Variants in EHHADH observed in about 807,000 individuals in gnomAD.
EHHADH encodes the protein enoyl-CoA hydratase and 3-hydroxyacyl CoA dehydrogenase, also known as peroxisomal bifunctional enzyme.
Under a neutral mutation model 64.4 loss-of-function variants are expected in EHHADH, and 48 were observed. That is an observed-to-expected ratio of 0.75 (90% CI 0.59 to 0.95). EHHADH has a LOEUF of 0.95. EHHADH is among the 40% of genes least tolerant of loss of function. The pLI is 0.00. For missense variants in EHHADH, 854 were observed against 876.6 expected, an observed-to-expected ratio of 0.97 and a Z score of 0.33; for synonymous variants, 308 against 326.7, an observed-to-expected ratio of 0.94 and a Z score of 0.62.
intron 6 of EHHADH, among the ~76,000 whole-genome samples, chr3:185,195,779 G>C (rs1718042116): frequency 6.6e-6 from 1 of 152,158 alleles, no homozygotes; most frequent in Non-Finnish European, 1.5e-5. Context: ...ATTCCAAAAG[G>C]GGGAGTGAGG....
At chr3:185,204,787 G>T in intron 5 of EHHADH, 30 bp from the exon 6 acceptor site, 2 of 1,534,374 alleles carry the variant, frequency 1.3e-6, no homozygotes, top group Non-Finnish European at 1.8e-6. Context: ...TCAGAGCTTT[G>T]GAAATGTTAC....
intron 3 of EHHADH, among the ~76,000 whole-genome samples, chr3:185,233,291 A>T (rs927717021): frequency 6.6e-6 from 1 of 152,222 alleles, no homozygotes; most frequent in Admixed American, 6.5e-5. Context: ...TCTGAACTAC[A>T]TTGTCATAAA....
intron 2 of EHHADH, chr3:185,246,502 C>T (rs568015832): frequency 1.9e-5 from 6 of 310,844 alleles, no homozygotes; most frequent in African/African-American, 4.5e-5. Context: ...CCCCAGGCCC[C>T]GTGGCAGCGC....
intron 4 of EHHADH, chr3:185,226,833 A>C (rs1452545485): frequency 6.6e-6 from 1 of 152,182 alleles, no homozygotes; most frequent in East Asian, 1.9e-4. Context: ...CTTACAATGA[A>C]TCTGAGAGTC....
intron 5 of EHHADH, among the ~76,000 whole-genome samples, chr3:185,205,345 TAG>T (rs1217330989): frequency 6.6e-6 from 1 of 152,120 alleles, no homozygotes; most frequent in Non-Finnish European, 1.5e-5. Context: ...TCCCCTGTAG[TAG>T]AGACTCTAGT....
At chr3:185,226,278 T>A (rs1171622082) in intron 4 of EHHADH, among the ~76,000 whole-genome samples, 1 of 151,878 alleles carries the variant, frequency 6.6e-6, no homozygotes, top group Non-Finnish European at 1.5e-5. Flanking sequence ...TATGGAGAGG[T>A]CCCCGTACAT....
At chr3:185,223,076 T>C (rs1718877664) in intron 4 of EHHADH, among the ~76,000 whole-genome samples, 2 of 152,244 alleles carry the variant, frequency 1.3e-5, no homozygotes, top group Admixed American at 6.5e-5. Context: ...TTCTTCTATT[T>C]TTTCTTTTGG....
chr3:185,248,187 ACTAAATATACT>A, intron 2 of EHHADH: 1 of 484,604 alleles, frequency 2.1e-6, no homozygotes, highest in Non-Finnish European at 3.7e-6. Flanking sequence ...CAAGTCTGGA[ACTAAATATACT>A]CTAAAAGCCC....
chr3:185,219,157 G>A (rs1376135360), intron 4 of EHHADH, among the ~76,000 whole-genome samples: 5 of 152,148 alleles, frequency 3.3e-5, no homozygotes, highest in African/African-American at 1.2e-4. Context: ...AGGACAAATG[G>A]GATGGATTTC....
chr3:185,193,751 T>C (rs559756098), intron 6 of EHHADH, among the ~76,000 whole-genome samples: 10 of 152,186 alleles, frequency 6.6e-5, no homozygotes, highest in Non-Finnish European at 1.0e-4. Flanking sequence ...ACAATTGATA[T>C]ACAAAAATCA....
intron 1 of EHHADH, among the ~76,000 whole-genome samples, chr3:185,252,561 A>G (rs1353378632): frequency 6.6e-6 from 1 of 152,170 alleles, no homozygotes; most frequent in Non-Finnish European, 1.5e-5. Flanking sequence ...ATGTAATCAT[A>G]TTACTTACAT....
At chr3:185,218,312 C>T (rs1424361896) in intron 4 of EHHADH, 72 bp from the exon 5 acceptor site, 1 of 1,011,968 alleles carries the variant, frequency 9.9e-7, no homozygotes, top group African/African-American at 1.6e-5. Flanking sequence ...GCATTACTCT[C>T]TCTAGTAGGA....
At chr3:185,209,494 A>G (rs1718482767) in intron 5 of EHHADH, among the ~76,000 whole-genome samples, 2 of 152,224 alleles carry the variant, frequency 1.3e-5, no homozygotes, top group African/African-American at 4.8e-5. Context: ...AAACCATTTT[A>G]TCAAAAATGT....
intron 6 of EHHADH, among the ~76,000 whole-genome samples, chr3:185,201,135 T>C (rs1359031660): frequency 6.6e-6 from 1 of 151,902 alleles, no homozygotes; most frequent in Non-Finnish European, 1.5e-5. Context: ...AGTGGAGAAA[T>C]ATTCAGGGTA....
Position 185,193,333 on chromosome 3 carries a change from G to C in EHHADH, c.1065C>G (p.Gly355=), listed in dbSNP as rs761606930. The change falls in exon 7 of 7, where the codon GGC becomes GGG. Residue 355 remains glycine, a synonymous_variant. Transcript: ENST00000231887. ...TGGGTTTTGGTCCTGACCAAGGGTG[G>C]CCGCTCTGTTGCATTTTGGAGGCTT... ...EKEASKMQQS[G]HPWSGPKPRL... 2.5e-6 allele frequency: 4 copies of C among 1,613,744 alleles called. No individual in the cohort carries two copies. The African/African-American group carries it at 5.3e-5, about 22-fold the overall frequency.
At position 185,193,047 on chromosome 3, in the gene EHHADH, A is replaced by G; in HGVS notation, c.1351T>C (p.Ser451Pro). 7 of 1,614,252 alleles carry G rather than the reference A, an allele frequency of 4.3e-6. No individual in the cohort carries two copies. Among genetic ancestry groups the G allele is most frequent in the Non-Finnish European group, 5.9e-6 (7 of 1,180,050 alleles). ...KLLEVIPSQY[S>P]SPTTIATVMN... ...ACAGTGGCAATGGTAGTGGGGGAAG[A>G]GTATTGGCTGGGAATAACCTCTAAC... is the stretch of plus-strand genomic sequence containing the variant. Residue 451 changes from serine to proline, a missense_variant, in exon 7 of 7, where the codon TCT becomes CCT. Ser to Pro is a moderately conservative substitution (Grantham distance 74). Transcript: ENST00000231887.
rs1718951162 is a variant in EHHADH, at chr3:185,225,542, G to A, written c.463+3890C>T. On this transcript the variant is annotated intron_variant, in intron 4 of 6. Transcript: ENST00000231887. ...CTGTTTTTGTCCTTGTCTCCAATTA[G>A]TATATTTTCAACAGCCAGAGTGATT... Among the ~76,000 whole-genome samples, 5 of 152,024 alleles carry A rather than the reference G, an allele frequency of 3.3e-5. No individual in the cohort carries two copies. The South Asian group carries it at 1.0e-3, about 32-fold the overall frequency.
chr3:185,229,533 C>T lies in EHHADH; in HGVS notation c.362G>A (p.Gly121Asp). 1.3e-6 allele frequency: 2 copies of T among 1,563,610 alleles called. No homozygotes were observed. The highest frequency in any genetic ancestry group is 1.7e-6 in the Non-Finnish European group (2 of 1,150,778). Residue 121 changes from glycine to aspartate, a missense_variant, in exon 4 of 7, where the codon GGC becomes GAC. Physicochemically the swap from Gly to Asp is moderately conservative, Grantham distance 94. Transcript: ENST00000231887. ...YRIAHAEAQVGLPEVTLGLLP... is the reference protein window; with the variant it reads ...YRIAHAEAQVDLPEVTLGLLP... ...AAGTCCCAGTGTAACTTCTGGTAAGCCAACTTGAGCCTATCAAAGATTGAA... is the reference window on the plus strand; with the variant it reads ...AAGTCCCAGTGTAACTTCTGGTAAGTCAACTTGAGCCTATCAAAGATTGAA...
chr3:185,245,101 CTTGAG>C (rs771725882), intron 2 of EHHADH, among the ~76,000 whole-genome samples: 2 of 151,956 alleles, frequency 1.3e-5, no homozygotes, highest in East Asian at 1.9e-4. Context: ...TCTATTTCTT[CTTGAG>C]TTAATTTTGA....
Sources: gnomAD v4.1 joint callset for allele counts (sites outside exome capture counted in the v4.1 genomes callset) on GRCh38, gnomAD v4.1.1 for gene constraint, MANE v1.5 for transcripts, NCBI Gene and HGNC (gene_info 2026-07-23, HGNC 2026-07-21) for gene names.